XYLT2: variants seen among roughly 807,000 people sequenced by gnomAD.
XYLT2 encodes UDP-D-xylose:proteoglycan core protein beta-D-xylosyltransferase.
XYLT2 carries 37 observed loss-of-function variants against 82.6 expected under a neutral mutation model. That is an observed-to-expected ratio of 0.45 (90% CI 0.34 to 0.59). The LOEUF (loss-of-function observed/expected upper bound fraction) is 0.59. XYLT2 is among the 20% of genes least tolerant of loss of function. XYLT2 has a pLI of 0.01. For missense variants in XYLT2, 934 were observed against 1,181.3 expected (o/e 0.79, Z 3.07); for synonymous variants, 474 against 499.0 (o/e 0.95, Z 0.67).
In XYLT2 at chr17:50,346,185, G is replaced by C; in HGVS notation, c.45G>C (p.Lys15Asn). ...ARVQKLVRRY[K>N]LAIATALAIL... ...TGCAGAAGCTGGTGCGGCGCTACAA[G>C]CTGGCGATTGCCACGGCGCTGGCCA... Residue 15 changes from lysine (K) to asparagine (N), a missense_variant, in exon 1 of 11, where the codon AAG becomes AAC. Coordinates refer to ENST00000017003, the MANE Select transcript of XYLT2 (RefSeq NM_022167.4). The surrounding 1 kb of genome is among the most constrained non-coding windows in gnomAD (Gnocchi z 5.1). 7.8e-7 allele frequency: 1 copy of C among 1,289,756 alleles called. No homozygotes were observed. Among genetic ancestry groups the C allele is most frequent in the Non-Finnish European group, 1.0e-6 (1 of 992,558 alleles). The allele number at this position is 1,289,756 out of a possible 1,614,324, so 79.9% of individuals were successfully genotyped here. A position where few individuals can be genotyped will look rare whatever the true frequency, so the allele number is the denominator to read the frequency against.
chr17:50,356,706 G>C lies in XYLT2; in HGVS notation c.1678G>C (p.Ala560Pro). The change falls in exon 8 of 11, where the codon GCC becomes CCC. Residue 560 changes from alanine to proline, a missense_variant. Ala to Pro is a conservative substitution (Grantham distance 27). This residue lies in a region of XYLT2 where 374 missense variants were observed against 465.6 expected (regional missense o/e 0.80). Transcript: ENST00000017003. ...LSDVMLTAYT[A>P]FARLSLHHAA... is the part of the protein sequence containing the mutation. Reference sequence around the variant, plus strand: ...TGATGTCATGCTCACTGCTTACACAGCCTTCGCCCGCCTCAGCCTGCACCA... The same window carrying C: ...TGATGTCATGCTCACTGCTTACACACCCTTCGCCCGCCTCAGCCTGCACCA... The C allele has an allele frequency of 6.2e-7, 1 of 1,606,862 alleles. No individual in the cohort carries two copies. Among genetic ancestry groups the C allele is most frequent in the Non-Finnish European group, 8.5e-7 (1 of 1,179,578 alleles).
In XYLT2 at chr17:50,357,158, G is replaced by C; in HGVS notation, c.1847G>C (p.Gly616Ala). The change falls in exon 9 of 11, where the codon GGG becomes GCG. Residue 616 changes from glycine to alanine, a missense_variant. Around this residue, in one of 3 missense-constraint regions of XYLT2, gnomAD observed 374 missense variants for 465.6 expected, o/e 0.80. Coordinates refer to ENST00000017003, the MANE Select transcript of XYLT2 (RefSeq NM_022167.4). Reference protein sequence around the residue: ...VTQAVQPSAQGPAETLEMWLM... With the variant: ...VTQAVQPSAQAPAETLEMWLM... Reference sequence around the variant, plus strand: ...CAGGCGGTGCAGCCCTCAGCCCAGGGGCCGGCAGAGACGCTTGAGATGTGG... The same window carrying C: ...CAGGCGGTGCAGCCCTCAGCCCAGGCGCCGGCAGAGACGCTTGAGATGTGG... 6.2e-7 allele frequency: 1 copy of C among 1,613,396 alleles called. No individual in the cohort carries two copies. The highest frequency in any genetic ancestry group is 8.5e-7 in the Non-Finnish European group (1 of 1,179,938).
chr17:50,348,160 C>T (rs772491663), intron 1 of XYLT2, among the ~76,000 whole-genome samples: 5 of 152,214 alleles, frequency 3.3e-5, no homozygotes, highest in Non-Finnish European at 7.3e-5. Flanking sequence ...GTACTAGACA[C>T]TGTGCTAATA....
At chr17:50,355,689 C>A in intron 5 of XYLT2, 92 bp from the exon 6 acceptor site, 2 of 1,583,546 alleles carry the variant, frequency 1.3e-6, no homozygotes, top group South Asian at 1.1e-5. Context: ...CCACACCAGT[C>A]ACAGGTTGAG....
intron 4 of XYLT2, 55 bp from the exon 5 acceptor site, chr17:50,355,446 C>A: frequency 1.3e-6 from 2 of 1,575,334 alleles, no homozygotes; most frequent in Admixed American, 1.7e-5. Context: ...CCGCTCTGGG[C>A]CAGTGACTGA....
At chr17:50,356,041 G>A in intron 6 of XYLT2, 44 bp downstream of exon 6, 1 of 1,614,066 alleles carries the variant, frequency 6.2e-7, no homozygotes, top group Non-Finnish European at 8.5e-7. Context: ...GGCGTGGGTT[G>A]GGCTGCCTGC....
intron 10 of XYLT2, chr17:50,359,288 A>T (rs1207279829): frequency 6.6e-6 from 1 of 152,554 alleles, no homozygotes; most frequent in East Asian, 1.9e-4. Flanking sequence ...GCCTAGTATA[A>T]GTAACTCCCC....
At chr17:50,349,845 T>A (rs1308180245) in intron 1 of XYLT2, among the ~76,000 whole-genome samples, 1 of 152,132 alleles carries the variant, frequency 6.6e-6, no homozygotes, top group Admixed American at 6.5e-5. Flanking sequence ...GACTTCACGT[T>A]TGACTAATTT....
rs555811946 is a variant in XYLT2, at chr17:50,346,996, G to A, written c.135+721G>A. On this transcript the variant is annotated intron_variant, in intron 1 of 10. Coordinates refer to ENST00000017003, the MANE Select transcript of XYLT2 (RefSeq NM_022167.4). The surrounding 1 kb of genome is among the most constrained non-coding windows in gnomAD (Gnocchi z 5.1). Reference sequence around the variant, plus strand: ...GGCCCTCTGGCTTTAAGGGAATGGGGACTGTAACAGAGCCCCAGCCGCAGA... The same window carrying A: ...GGCCCTCTGGCTTTAAGGGAATGGGAACTGTAACAGAGCCCCAGCCGCAGA... 1.1e-4 allele frequency: 105 copies of A among 936,696 alleles called. 1 individual carries two copies. Among genetic ancestry groups the A allele is most frequent in the Middle Eastern group, 5.5e-4 (1 of 1,828 alleles). 58.0% of individuals were successfully genotyped at this position (936,696 alleles called of 1,614,324 possible). A position where few individuals can be genotyped will look rare whatever the true frequency, so the allele number is the denominator to read the frequency against.
Position 50,354,129 on chromosome 17 carries a change from G to T in XYLT2, c.628+7G>T, listed in dbSNP as rs1331769575. 6.2e-7 allele frequency: 1 copy of T among 1,601,778 alleles called. No individual in the cohort carries two copies. The highest frequency in any genetic ancestry group is 8.5e-7 in the Non-Finnish European group (1 of 1,179,920). On this transcript the variant is annotated splice_region_variant and intron_variant, in intron 2 of 10. Transcript: ENST00000017003. ...CGGCACTGTCAGCTGACTGGTGAGGGACAGGGGTGCTCCAGCCCTTCCCAG... is the reference window on the plus strand; with the variant it reads ...CGGCACTGTCAGCTGACTGGTGAGGTACAGGGGTGCTCCAGCCCTTCCCAG...
At chr17:50,348,348 G>T (rs542796875) in intron 1 of XYLT2, among the ~76,000 whole-genome samples, 1 of 152,352 alleles carries the variant, frequency 6.6e-6, no homozygotes, top group Admixed American at 6.5e-5. Context: ...CAGAAGGCCT[G>T]AGGAGAATGG....
At chr17:50,357,552 T>C (rs1290340624) in intron 9 of XYLT2, 2 of 336,642 alleles carry the variant, frequency 5.9e-6, no homozygotes, top group African/African-American at 4.3e-5. Flanking sequence ...GACATTCGAG[T>C]TGGGCCATGA....
At position 50,358,192 on chromosome 17, in the gene XYLT2, CCTCT is replaced by C. The variant is rs769360107; in HGVS notation, c.1942-8_1942-5del. The stretch of plus-strand genomic sequence containing the variant: ...TTTCCCCCACACTCCTGCCCAGCTG[CCTCT>C]CTCTCTACAGGTTGGCACTGATTGG... On this transcript the variant is annotated splice_polypyrimidine_tract_variant and intron_variant, in intron 9 of 10. Coordinates refer to ENST00000017003, the MANE Select transcript of XYLT2 (RefSeq NM_022167.4). 1 of 1,565,938 alleles carries C rather than the reference CCTCT, an allele frequency of 6.4e-7. No homozygotes were observed. The highest frequency in any genetic ancestry group is 8.7e-7 in the Non-Finnish European group (1 of 1,152,930).
At chr17:50,353,272 G>C (rs1912345764) in intron 1 of XYLT2, among the ~76,000 whole-genome samples, 1 of 151,942 alleles carries the variant, frequency 6.6e-6, no homozygotes, top group South Asian at 2.1e-4. Flanking sequence ...CCCTCGGTGG[G>C]GTCTTTGCAC....
At chr17:50,354,828 C>T (rs749150640) in intron 3 of XYLT2, 26 bp from the exon 4 acceptor site, 2 of 1,610,790 alleles carry the variant, frequency 1.2e-6, no homozygotes, top group Non-Finnish European at 1.7e-6. Flanking sequence ...ACACTGGAGG[C>T]TAGCTGAGTG....
intron 1 of XYLT2, among the ~76,000 whole-genome samples, chr17:50,347,684 C>T (rs992019224): frequency 6.6e-6 from 1 of 152,284 alleles, no homozygotes; most frequent in African/African-American, 2.4e-5. Flanking sequence ...CCTCCTCCAG[C>T]TTCCTGGCTG....
In XYLT2 at chr17:50,360,840, G is replaced by A. The variant is rs1912778575; in HGVS notation, c.*549G>A. 1.0e-6 allele frequency: 1 copy of A among 985,994 alleles called. No homozygotes were observed. The highest frequency in any genetic ancestry group is 1.2e-6 in the Non-Finnish European group (1 of 830,054). The allele number at this position is 985,994 out of a possible 1,614,324, so 61.1% of individuals were successfully genotyped here. On this transcript the variant is annotated 3_prime_UTR_variant, in exon 11 of 11. Transcript: ENST00000017003. ...GCCCTGCCAGGCTCTAAGGCCCGAA[G>A]AACAGGTGATATCGGGGGCGCTGCA...
In XYLT2 at chr17:50,355,847, C is replaced by T. The variant is rs199751564; in HGVS notation, c.1155C>T (p.Gly385=). The change falls in exon 6 of 11, where the codon GGC becomes GGT. Residue 385 remains glycine, a synonymous_variant. Coordinates refer to ENST00000017003, the MANE Select transcript of XYLT2 (RefSeq NM_022167.4). ...GCGACTCACACATGTGGCGCCTGGG[C>T]GAGCGGCAGATCCCAGCAGGCATTG... ...HECDSHMWRL[G]ERQIPAGIVV... is the part of the protein sequence containing the mutation. 8.1e-6 allele frequency: 13 copies of T among 1,614,246 alleles called. No individual in the cohort carries two copies. The highest frequency in any genetic ancestry group is 5.0e-5 in the Admixed American group (3 of 60,030).
intron 6 of XYLT2, 21 bp from the exon 7 acceptor site, chr17:50,356,064 A>G (rs943467679): frequency 1.9e-6 from 3 of 1,613,500 alleles, no homozygotes; most frequent in Non-Finnish European, 2.5e-6. Flanking sequence ...CTCACCTTCC[A>G]CTCTCCCTTG....
Sources: gnomAD v4.1 joint callset for allele counts (sites outside exome capture counted in the v4.1 genomes callset) on GRCh38, gnomAD v4.1.1 for gene constraint, gnomAD v4.1.1 regional missense constraint, Gnocchi (gnomAD v3.1) non-coding constraint, MANE v1.5 for transcripts, NCBI Gene and HGNC (gene_info 2026-07-23, HGNC 2026-07-21) for gene names.